TXLNG: variants seen among roughly 807,000 people sequenced by gnomAD.
The protein encoded by TXLNG is gamma-taxilin.
In TXLNG, 5 loss-of-function variants were observed where a neutral mutation model predicts 38.8. The observed-to-expected ratio is 0.13, with a 90% CI of 0.07 to 0.27. The LOEUF (loss-of-function observed/expected upper bound fraction) is 0.27, where lower values mean the gene tolerates loss of function less well. Among genes scored for constraint, TXLNG ranks in the 10% least tolerant of loss-of-function variants. The pLI, the probability that TXLNG is intolerant of heterozygous loss-of-function variation, is 1.00. For missense variants in TXLNG, 393 were observed against 398.2 expected, an observed-to-expected ratio of 0.99 and a Z score of 0.11; for synonymous variants, 182 against 158.2, an observed-to-expected ratio of 1.15 and a Z score of -1.13.
intron 1 of TXLNG, among the ~76,000 whole-genome samples, chrX:16,786,878 T>C (rs1378703315): frequency 9.2e-6 from 1 of 108,331 alleles, no homozygotes; most frequent in Non-Finnish European, 1.9e-5. Context: ...GAGGCGGGGG[T>C]GCGCCAGGTG....
At chrX:16,815,470 C>A (rs560797263) in intron 1 of TXLNG, among the ~76,000 whole-genome samples, 1 of 106,710 alleles carries the variant, frequency 9.4e-6, no homozygotes, top group East Asian at 3.0e-4. Context: ...CCACCGCGAC[C>A]GGCCTGTAGT....
chrX:16,800,199 C>G (rs1928038431), intron 1 of TXLNG, among the ~76,000 whole-genome samples: 1 of 112,076 alleles, frequency 8.9e-6, no homozygotes, highest in Non-Finnish European at 1.9e-5. Context: ...CTTGGTCTCC[C>G]AAAGTCCTGG....
intron 1 of TXLNG, among the ~76,000 whole-genome samples, chrX:16,804,317 C>G (rs1474890703): frequency 8.9e-6 from 1 of 112,021 alleles, no homozygotes; most frequent in Non-Finnish European, 1.9e-5. Flanking sequence ...GTTATTTAAC[C>G]AGTTCCCTAT....
At chrX:16,828,548 G>A (rs1929260086) in intron 4 of TXLNG, among the ~76,000 whole-genome samples, 1 of 111,832 alleles carries the variant, frequency 8.9e-6, no homozygotes, top group Admixed American at 9.5e-5. Context: ...CATGGCTTAG[G>A]AAGCTCAGAA....
intron 3 of TXLNG, 54 bp from the exon 4 acceptor site, chrX:16,828,040 T>C (rs1229338707): frequency 9.2e-7 from 1 of 1,085,544 alleles, no homozygotes; most frequent in East Asian, 3.1e-5. Flanking sequence ...ATTCTAGCCA[T>C]AACTGTAAGA....
intron 5 of TXLNG, 111 bp from the exon 6 acceptor site, chrX:16,832,509 AGTG>A: frequency 1.0e-6 from 1 of 968,777 alleles, no homozygotes; most frequent in Non-Finnish European, 1.4e-6. Context: ...TCTTAGCTGC[AGTG>A]GTAGTAGCAG....
intron 8 of TXLNG, 99 bp from the exon 9 acceptor site, chrX:16,839,722 T>G: frequency 1.9e-6 from 1 of 519,280 alleles, no homozygotes. Flanking sequence ...GGTGCAGGGA[T>G]GGGGGAGGGG....
intron 3 of TXLNG, among the ~76,000 whole-genome samples, chrX:16,824,745 C>T (rs985433373): frequency 1.3e-4 from 12 of 91,608 alleles, no homozygotes; most frequent in Non-Finnish European, 2.3e-4. Context: ...GGTGAAAGCC[C>T]GTCTCTACTA....
chrX:16,799,707 G>C (rs1928014911), intron 1 of TXLNG, among the ~76,000 whole-genome samples: 1 of 110,463 alleles, frequency 9.1e-6, no homozygotes, highest in African/African-American at 3.3e-5. Flanking sequence ...GGAGGCGGAG[G>C]TTGCAGTGAA....
chrX:16,826,886 G>A (rs1303949228), intron 3 of TXLNG, among the ~76,000 whole-genome samples: 2 of 103,655 alleles, frequency 1.9e-5, no homozygotes, highest in African/African-American at 7.1e-5. Flanking sequence ...GCAATGGCGC[G>A]ATCCATTGCA....
intron 1 of TXLNG, among the ~76,000 whole-genome samples, chrX:16,797,581 C>T (rs1339438529): frequency 1.8e-5 from 2 of 112,451 alleles, no homozygotes; most frequent in African/African-American, 6.5e-5. Context: ...GGAGGCCTTC[C>T]TTGGTTTCTT....
intron 9 of TXLNG, among the ~76,000 whole-genome samples, chrX:16,840,950 G>C (rs768723484): frequency 3.6e-5 from 4 of 110,423 alleles, no homozygotes; most frequent in African/African-American, 9.9e-5. Context: ...TAATCCCAGC[G>C]CTTCGGGAGG....
At position 16,841,636 on chromosome X, in the gene TXLNG, A is replaced by AC; in HGVS notation, c.1458dup (p.Lys487GlnfsTer18). On this transcript the variant is annotated frameshift_variant, in exon 10 of 10. Transcript: ENST00000380122. LOFTEE classifies it low-confidence loss of function (END_TRUNC). The stretch of plus-strand genomic sequence containing the variant: ...CAGCCCTGTACTGCCCTGGATTCTC[A>AC]CAAGGAGCTGAACACTTCCTCGAAA... The AC allele has an allele frequency of 8.3e-7, 1 of 1,211,619 alleles. No homozygotes were observed. Among genetic ancestry groups the AC allele is most frequent in the Non-Finnish European group, 1.1e-6 (1 of 895,504 alleles).
Position 16,818,807 on chromosome X carries a change from A to C in TXLNG, c.336A>C (p.Gly112=). 8.3e-7 allele frequency: 1 copy of C among 1,211,918 alleles called. No individual in the cohort carries two copies. The highest frequency in any genetic ancestry group is 1.1e-6 in the Non-Finnish European group (1 of 895,537). Residue 112 remains glycine (G), a synonymous_variant, in exon 2 of 10, where the codon GGA becomes GGC. Transcript: ENST00000380122. The part of the protein sequence containing the change: ...TQESREEIPG[G]EARTDPPDGQ... ...AATCAAGAGAGGAAATCCCTGGGGG[A>C]GAAGCTCGAACAGATCCCCCTGATG...
intron 1 of TXLNG, among the ~76,000 whole-genome samples, chrX:16,798,582 AG>A (rs1473018731): frequency 2.8e-5 from 3 of 108,465 alleles, no homozygotes; most frequent in African/African-American, 1.0e-4. Context: ...GGACAGCAAA[AG>A]TTTTTTTTTT....
At chrX:16,820,921 A>C (rs952279889) in intron 3 of TXLNG, among the ~76,000 whole-genome samples, 1 of 109,698 alleles carries the variant, frequency 9.1e-6, no homozygotes, top group Non-Finnish European at 1.9e-5. Context: ...TGTGCTCGCC[A>C]CCACGCCTGG....
intron 1 of TXLNG, among the ~76,000 whole-genome samples, chrX:16,810,117 A>G (rs180848259): frequency 8.9e-6 from 1 of 112,217 alleles, no homozygotes; most frequent in East Asian, 2.8e-4. Context: ...GGAGAAAATA[A>G]TAGTGCCTAC....
intron 5 of TXLNG, among the ~76,000 whole-genome samples, chrX:16,830,069 A>G (rs1373357159): frequency 9.0e-6 from 1 of 111,418 alleles, no homozygotes; most frequent in Non-Finnish European, 1.9e-5. Flanking sequence ...TCCCTTATCC[A>G]GACTAATAGT....
chrX:16,809,038 A>G (rs949880128), intron 1 of TXLNG, among the ~76,000 whole-genome samples: 1 of 111,833 alleles, frequency 8.9e-6, no homozygotes, highest in Non-Finnish European at 1.9e-5. Context: ...TTGACATTTT[A>G]CTCTGGTTGC....
Sources: gnomAD v4.1 joint callset for allele counts (sites outside exome capture counted in the v4.1 genomes callset) on GRCh38, gnomAD v4.1.1 for gene constraint, MANE v1.5 for transcripts, NCBI Gene and HGNC (gene_info 2026-07-23, HGNC 2026-07-21) for gene names.